RASGRF1: variants seen among roughly 807,000 people sequenced by gnomAD.
The protein encoded by RASGRF1 is Ras protein specific guanine nucleotide releasing factor 1, also known as ras-specific guanine nucleotide-releasing factor 1.
RASGRF1 carries 40 observed loss-of-function variants against 138.7 expected under a neutral mutation model. The observed-to-expected ratio is 0.29, with a 90% confidence interval of 0.22 to 0.38. The LOEUF is 0.38. RASGRF1 is among the 10% of genes least tolerant of loss of function. The probability of loss-of-function intolerance (pLI) is 1.00; values close to 1 mark genes in which losing one functional copy is unlikely to be tolerated. For missense variants in RASGRF1, 1,108 were observed against 1,650.4 expected (o/e 0.67, Z 5.69); for synonymous variants, 614 against 663.2 (o/e 0.93, Z 1.14).
In RASGRF1 at chr15:79,046,737, G is replaced by A; in HGVS notation, c.878+9C>T. 6.2e-7 allele frequency: 1 copy of A among 1,613,878 alleles called. No homozygotes were observed. Among genetic ancestry groups the A allele is most frequent in the Non-Finnish European group, 8.5e-7 (1 of 1,179,744 alleles). On this transcript the variant is annotated intron_variant, in intron 5 of 26. Transcript: ENST00000558480. This position sits in a 1 kb window ranked among gnomAD's most constrained non-coding sequence, Gnocchi z 5.3. Reference sequence around the variant, plus strand: ...CTTCCTGCCTTGGCCAACCTTTAGGGGTGCTCACCTGTTCAGGAAGATGCT... The same window carrying A: ...CTTCCTGCCTTGGCCAACCTTTAGGAGTGCTCACCTGTTCAGGAAGATGCT...
chr15:79,017,132 C>A (rs564998708), intron 12 of RASGRF1, among the ~76,000 whole-genome samples: 1 of 152,220 alleles, frequency 6.6e-6, no homozygotes, highest in Non-Finnish European at 1.5e-5. Flanking sequence ...ACTTTAGGCA[C>A]CCATGGGCAT....
rs563219097 is a variant in RASGRF1 at position 79,013,572 on chromosome 15, G to A, written c.1826+1755C>T. On this transcript the variant is annotated intron_variant, in intron 13 of 26. Transcript: ENST00000558480. ...TGTATGTGAAGTAGCAAACAGGCCTGGGTTACCCAGATGATTGTTCTGGCA... is the reference window on the plus strand; with the variant it reads ...TGTATGTGAAGTAGCAAACAGGCCTAGGTTACCCAGATGATTGTTCTGGCA... Among the ~76,000 whole-genome samples the A allele has an allele frequency of 2.0e-5, 3 of 152,362 alleles. No individual in the cohort carries two copies. The South Asian group carries it at 6.2e-4, about 32-fold the overall frequency.
intron 11 of RASGRF1, 66 bp from the exon 12 acceptor site, chr15:79,017,972 T>G: frequency 6.3e-7 from 1 of 1,592,772 alleles, no homozygotes; most frequent in African/African-American, 1.4e-5. Context: ...GAAAATGTTT[T>G]AGTGGTCCCT....
chr15:78,999,684 C>T, intron 17 of RASGRF1, 59 bp downstream of exon 17: 3 of 1,567,154 alleles, frequency 1.9e-6, no homozygotes, highest in Admixed American at 1.7e-5. Context: ...TGGCTGCTAT[C>T]ACCTGCCACT....
chr15:79,019,775 G>A (rs1161679273), intron 11 of RASGRF1, among the ~76,000 whole-genome samples: 2 of 152,234 alleles, frequency 1.3e-5, no homozygotes, highest in African/African-American at 4.8e-5. Context: ...GTGGATCAGG[G>A]TCATCACCTG....
chr15:79,007,607 G>A (rs893123679), intron 13 of RASGRF1, among the ~76,000 whole-genome samples: 7 of 146,978 alleles, frequency 4.8e-5, no homozygotes, highest in Admixed American at 3.4e-4. Flanking sequence ...AGTACAGTGC[G>A]GTGGTGTGAT....
At chr15:79,008,153 C>T (rs1419988092) in intron 13 of RASGRF1, among the ~76,000 whole-genome samples, 6 of 152,182 alleles carry the variant, frequency 3.9e-5, no homozygotes, top group Non-Finnish European at 7.3e-5. Flanking sequence ...CCTGTTCTTT[C>T]GAGGGTATCT....
intron 1 of RASGRF1, among the ~76,000 whole-genome samples, chr15:79,083,040 C>G (rs1456740463): frequency 1.3e-5 from 2 of 152,214 alleles, no homozygotes; most frequent in Non-Finnish European, 2.9e-5. Flanking sequence ...AACTGAGACT[C>G]AGAGAACTTA....
chr15:78,986,383 G>A (rs2056158850), intron 22 of RASGRF1, among the ~76,000 whole-genome samples: 1 of 150,138 alleles, frequency 6.7e-6, no homozygotes, highest in Admixed American at 6.6e-5. Flanking sequence ...GTCTTGTTCT[G>A]TCGCCCAGGT....
At chr15:78,979,190 A>G in intron 24 of RASGRF1, 1 of 1,278,692 alleles carries the variant, frequency 7.8e-7, no homozygotes, top group Non-Finnish European at 1.0e-6. Flanking sequence ...GACAGCACAG[A>G]TGGGTGCAAC....
At position 79,006,096 on chromosome 15, in the gene RASGRF1, C is replaced by T. The variant is rs936446924; in HGVS notation, c.2075+90G>A. 2 of 1,556,404 alleles carry T rather than the reference C, an allele frequency of 1.3e-6. No homozygotes were observed. Among genetic ancestry groups the T allele is most frequent in the Non-Finnish European group, 1.8e-6 (2 of 1,142,810 alleles). ...TTACTGCTGCTCCTCCAGGGACCTT[C>T]CAGGTCACCCCCCGGCCCCGTGCAA... On this transcript the variant is annotated intron_variant, in intron 14 of 26. Coordinates refer to ENST00000558480, the MANE Select transcript of RASGRF1 (RefSeq NM_001145648.3). The surrounding 1 kb of genome is among the most constrained non-coding windows in gnomAD (Gnocchi z 4.0).
At position 79,025,482 on chromosome 15, in the gene RASGRF1, T is replaced by G; in HGVS notation, c.1382-8A>C. 6.2e-7 allele frequency: 1 copy of G among 1,610,642 alleles called. No individual in the cohort carries two copies. Among genetic ancestry groups the G allele is most frequent in the Non-Finnish European group, 8.5e-7 (1 of 1,178,180 alleles). On this transcript the variant is annotated splice_polypyrimidine_tract_variant and splice_region_variant and intron_variant, in intron 9 of 26. Coordinates refer to ENST00000558480, the MANE Select transcript of RASGRF1 (RefSeq NM_001145648.3). ...GCACCTGAATGAGGGAACCTGTGGGTGGAGGAGAGAGACCCTGAGCCCATC... is the reference window on the plus strand; with the variant it reads ...GCACCTGAATGAGGGAACCTGTGGGGGGAGGAGAGAGACCCTGAGCCCATC...
intron 3 of RASGRF1, among the ~76,000 whole-genome samples, chr15:79,052,986 G>T (rs1268028492): frequency 6.6e-6 from 1 of 152,128 alleles, no homozygotes; most frequent in South Asian, 2.1e-4. Context: ...CTGATTCTAG[G>T]CCAGTTGCAA....
chr15:79,038,904 G>T (rs2057257652), intron 5 of RASGRF1, among the ~76,000 whole-genome samples: 3 of 152,104 alleles, frequency 2.0e-5, no homozygotes, highest in African/African-American at 7.2e-5. Flanking sequence ...ATATGAATAA[G>T]GGAGATAGAC....
At chr15:78,966,185 C>T (rs1452000396) in intron 26 of RASGRF1, among the ~76,000 whole-genome samples, 8 of 151,726 alleles carry the variant, frequency 5.3e-5, no homozygotes, top group South Asian at 2.1e-4. Context: ...GAGCCATGCC[C>T]GAAAACTCAA....
intron 23 of RASGRF1, among the ~76,000 whole-genome samples, chr15:78,982,545 T>C (rs1271704998): frequency 6.6e-6 from 1 of 152,148 alleles, no homozygotes; most frequent in African/African-American, 2.4e-5. Flanking sequence ...GCCTCTGGGA[T>C]CTTGGGTGTC....
At chr15:79,053,132 G>A (rs187469462) in intron 3 of RASGRF1, among the ~76,000 whole-genome samples, 1 of 152,218 alleles carries the variant, frequency 6.6e-6, no homozygotes, top group African/African-American at 2.4e-5. Context: ...GGGTGTGGTG[G>A]CGCACACCTG....
At position 78,996,685 on chromosome 15, in the gene RASGRF1, C is replaced by T. The variant is rs113554816; in HGVS notation, c.2967-885G>A. Among the ~76,000 whole-genome samples, 778 of 152,208 alleles carry T rather than the reference C, an allele frequency of 5.1e-3. 8 individuals are homozygous for T. The highest frequency in any genetic ancestry group is 0.018 in the African/African-American group (755 of 41,522). ...AATATGCTCGGTGGGGGGCTCCACA[C>T]ACTCCTAAGGCCTCCTGGGAGGACC... On this transcript the variant is annotated intron_variant, in intron 19 of 26. Coordinates refer to ENST00000558480, the MANE Select transcript of RASGRF1 (RefSeq NM_001145648.3).
At chr15:79,022,167 C>T (rs887721351) in intron 10 of RASGRF1, among the ~76,000 whole-genome samples, 5 of 152,144 alleles carry the variant, frequency 3.3e-5, no homozygotes, top group African/African-American at 9.7e-5. Flanking sequence ...CAGCTGGGTG[C>T]GGTGGCTCAC....
Sources: allele counts gnomAD v4.1 joint callset (sites outside exome capture counted in the v4.1 genomes callset), GRCh38; gene constraint gnomAD v4.1.1; non-coding constraint Gnocchi (gnomAD v3.1); transcripts MANE v1.5; gene names NCBI Gene and HGNC (gene_info 2026-07-23, HGNC 2026-07-21).